Variants in PPP1R17 observed in about 807,000 individuals in gnomAD.
The protein encoded by PPP1R17 is protein phosphatase 1 regulatory subunit 17.
In PPP1R17, 12 loss-of-function variants were observed where a neutral mutation model predicts 15.9. The ratio of observed to expected loss-of-function variants is 0.75; its 90% CI spans 0.48 to 1.22. The LOEUF (loss-of-function observed/expected upper bound fraction) is 1.22, where lower values mean the gene tolerates loss of function less well. Among genes scored for constraint, PPP1R17 ranks in the 50% most tolerant of loss-of-function variants. The pLI is 0.00. For synonymous variants in PPP1R17, 63 were observed against 64.5 expected, an observed-to-expected ratio of 0.98 and a Z score of 0.11; for missense variants, 211 against 187.3, an observed-to-expected ratio of 1.13 and a Z score of -0.74.
At chr7:31,703,537 C>T (rs927245426) in intron 4 of PPP1R17, among the ~76,000 whole-genome samples, 1 of 152,202 alleles carries the variant, frequency 6.6e-6, no homozygotes, top group Non-Finnish European at 1.5e-5. Context: ...AGTGCAATTA[C>T]AGATATTGTG....
At chr7:31,695,837 T>A (rs1792556427) in intron 3 of PPP1R17, 2 of 357,224 alleles carry the variant, frequency 5.6e-6, no homozygotes, top group South Asian at 1.5e-4. Context: ...TTATTTTTTT[T>A]ACCTACCAAT....
rs181517251 is a variant in PPP1R17 at position 31,703,645 on chromosome 7, C to G, written c.389-3559C>G. On this transcript the variant is annotated intron_variant, in intron 4 of 4. Coordinates refer to ENST00000342032, the MANE Select transcript of PPP1R17 (RefSeq NM_006658.5). The stretch of plus-strand genomic sequence containing the variant: ...GGCAGTAATCAAAATGGTAGTTAAG[C>G]TGATAAGGATAGAGCCTTCGGCAGA... Among the ~76,000 whole-genome samples, 20 of 152,306 alleles carry G rather than the reference C, an allele frequency of 1.3e-4. 1 individual carries two copies. The highest frequency in any genetic ancestry group is 3.4e-3 in the Middle Eastern group (1 of 294).
chr7:31,688,107 CAAG>C (rs1434246062), intron 1 of PPP1R17, among the ~76,000 whole-genome samples: 1 of 152,086 alleles, frequency 6.6e-6, no homozygotes, highest in Non-Finnish European at 1.5e-5. Context: ...CTGAAAGATC[CAAG>C]AAGGTCCCTC....
At position 31,697,103 on chromosome 7, in the gene PPP1R17, C is replaced by A. The variant is rs141313463; in HGVS notation, c.374C>A (p.Ser125Tyr). 1.9e-6 allele frequency: 3 copies of A among 1,613,966 alleles called. No individual in the cohort carries two copies. Among genetic ancestry groups the A allele is most frequent in the Non-Finnish European group, 2.5e-6 (3 of 1,179,922 alleles). The change falls in exon 4 of 5, where the codon TCC (serine) becomes TAC (tyrosine). Residue 125 changes from serine to tyrosine, a missense_variant. Coordinates refer to ENST00000342032, the MANE Select transcript of PPP1R17 (RefSeq NM_006658.5). ...AAAGACACACCTGCCCTGCACATGT[C>A]CCCCTTTGCAGCAGGTAAAAAAGCT... ...RRKDTPALHM[S>Y]PFAAGVTLLR... is the part of the protein sequence containing the mutation.
chr7:31,707,472 A>G lies in PPP1R17; in HGVS notation c.*189A>G. On this transcript the variant is annotated 3_prime_UTR_variant, in exon 5 of 5. Coordinates refer to ENST00000342032, the MANE Select transcript of PPP1R17 (RefSeq NM_006658.5). ...CTTTGTCTCTCTCTTCTTTCTGAGT[A>G]TGGTTTCTATTCTGTGTTTTGAATT... is the stretch of plus-strand genomic sequence containing the variant. The G allele has an allele frequency of 1.7e-6, 1 of 576,378 alleles. No homozygotes were observed. The highest frequency in any genetic ancestry group is 3.4e-5 in the Admixed American group (1 of 29,588). 35.7% of individuals were successfully genotyped at this position (576,378 alleles called of 1,614,324 possible). A position where few individuals can be genotyped will look rare whatever the true frequency, so the allele number is the denominator to read the frequency against.
At chr7:31,695,321 T>C in intron 2 of PPP1R17, 148 bp from the exon 3 acceptor site, 3 of 575,714 alleles carry the variant, frequency 5.2e-6, no homozygotes, top group Non-Finnish European at 8.3e-6. Flanking sequence ...AAGTCCTTTG[T>C]GGAATAGGCC....
chr7:31,700,664 G>A lies in PPP1R17; in HGVS notation c.388+3547G>A, dbSNP rs114470005. Among the ~76,000 whole-genome samples, 532 of 152,256 alleles carry A rather than the reference G, an allele frequency of 3.5e-3. 9 individuals are homozygous for A. Among genetic ancestry groups the A allele is most frequent in the African/African-American group, 0.012 (510 of 41,554 alleles). ...TCATAGCTGGAAAGGAGATGTCAAT[G>A]CCTGGCTTCAAAACTTCAAAGGACA... On this transcript the variant is annotated intron_variant, in intron 4 of 4. Transcript: ENST00000342032.
intron 1 of PPP1R17, 96 bp from the exon 2 acceptor site, chr7:31,692,310 A>G (rs1792390192): frequency 4.2e-6 from 3 of 711,142 alleles, no homozygotes; most frequent in Non-Finnish European, 7.0e-6. Flanking sequence ...TTGGGAACAC[A>G]ATAGCAGGTG....
At chr7:31,693,582 A>T (rs1371273253) in intron 2 of PPP1R17, among the ~76,000 whole-genome samples, 1 of 152,180 alleles carries the variant, frequency 6.6e-6, no homozygotes, top group East Asian at 1.9e-4. Flanking sequence ...ACCGTTGTAG[A>T]CTTAGCATGA....
At chr7:31,695,829 A>G (rs372668217) in intron 3 of PPP1R17, 2 of 394,990 alleles carry the variant, frequency 5.1e-6, no homozygotes, top group Non-Finnish European at 8.6e-6. Flanking sequence ...ATAAAAGTTT[A>G]TTTTTTTTAC....
At chr7:31,703,749 C>T (rs1277275932) in intron 4 of PPP1R17, among the ~76,000 whole-genome samples, 1 of 152,214 alleles carries the variant, frequency 6.6e-6, no homozygotes, top group Non-Finnish European at 1.5e-5. Flanking sequence ...AGACATCTCT[C>T]ATTAGCCCTT....
chr7:31,707,941 G>A lies in PPP1R17; in HGVS notation c.*658G>A, dbSNP rs1048967169. On this transcript the variant is annotated 3_prime_UTR_variant, in exon 5 of 5. Transcript: ENST00000342032. The stretch of plus-strand genomic sequence containing the variant: ...TGGTCTGTCTGGGAAGCTTAGCAAT[G>A]TATCTTCAAATTTATTTTTGTTTTT... 6.6e-6 allele frequency: 1 copy of A among 152,142 alleles called. No homozygotes were observed. Among genetic ancestry groups the A allele is most frequent in the Admixed American group, 6.5e-5 (1 of 15,278 alleles). The allele number at this position is 152,142 out of a possible 1,614,324, so 9.4% of individuals were successfully genotyped here.
chr7:31,695,396 G>A, intron 2 of PPP1R17, 73 bp from the exon 3 acceptor site: 6 of 1,407,998 alleles, frequency 4.3e-6, no homozygotes, highest in Non-Finnish European at 4.8e-6. Context: ...AGTGCAATTA[G>A]GAACCAAACA....
At chr7:31,705,252 A>C (rs1162945711) in intron 4 of PPP1R17, among the ~76,000 whole-genome samples, 1 of 152,168 alleles carries the variant, frequency 6.6e-6, no homozygotes, top group Non-Finnish European at 1.5e-5. Flanking sequence ...TTTCCAGGGT[A>C]CCAAAAGTAA....
intron 4 of PPP1R17, among the ~76,000 whole-genome samples, chr7:31,705,840 C>A (rs974151239): frequency 1.3e-5 from 2 of 151,908 alleles, no homozygotes; most frequent in African/African-American, 4.8e-5. Flanking sequence ...GGCCTTCCAT[C>A]GCAGCTTCCT....
intron 4 of PPP1R17, among the ~76,000 whole-genome samples, chr7:31,705,986 A>ATGTTTTTTTTTTTTTTTTTTTTT (rs1793051613): frequency 1.9e-5 from 1 of 52,486 alleles, no homozygotes; most frequent in African/African-American, 7.5e-5. Flanking sequence ...CAGACCAGTA[A>ATGTTTTTTTTTTTTTTTTTTTTT]TTTTTTTTTT....
intron 4 of PPP1R17, among the ~76,000 whole-genome samples, chr7:31,700,823 T>A (rs1792816655): frequency 1.3e-5 from 2 of 152,130 alleles, no homozygotes; most frequent in South Asian, 2.1e-4. Context: ...TAAATGGAAC[T>A]ACAAAGCCTG....
intron 3 of PPP1R17, 106 bp downstream of exon 3, chr7:31,695,727 T>C (rs1438364014): frequency 1.2e-5 from 14 of 1,152,172 alleles, no homozygotes; most frequent in Non-Finnish European, 9.8e-6. Flanking sequence ...TTAAAGTAAT[T>C]TGTGCACTCC....
At chr7:31,699,586 T>A (rs1792753924) in intron 4 of PPP1R17, among the ~76,000 whole-genome samples, 1 of 152,154 alleles carries the variant, frequency 6.6e-6, no homozygotes, top group African/African-American at 2.4e-5. Flanking sequence ...TAATGGAATA[T>A]AGGCCTACCT....
Sources: allele counts gnomAD v4.1 joint callset (sites outside exome capture counted in the v4.1 genomes callset), GRCh38; gene constraint gnomAD v4.1.1; transcripts MANE v1.5; gene names NCBI Gene and HGNC (gene_info 2026-07-23, HGNC 2026-07-21).